UFD1: variants seen among roughly 807,000 people sequenced by gnomAD.
UFD1 encodes ubiquitin recognition factor in ER-associated degradation protein 1.
UFD1 carries 13 observed loss-of-function variants against 45.9 expected under a neutral mutation model. The ratio of observed to expected loss-of-function variants is 0.28; its 90% CI spans 0.18 to 0.45. The LOEUF (loss-of-function observed/expected upper bound fraction) is 0.45, where lower values mean the gene tolerates loss of function less well. Ranked by LOEUF, UFD1 falls within the 20% of genes least tolerant of loss-of-function variation. The pLI, the probability that UFD1 is intolerant of heterozygous loss-of-function variation, is 1.00. For synonymous variants in UFD1, 128 were observed against 139.2 expected, an observed-to-expected ratio of 0.92 and a Z score of 0.56; for missense variants, 218 against 389.2, an observed-to-expected ratio of 0.56 and a Z score of 3.70.
chr22:19,465,788 CAGAT>C (rs1160696625), intron 5 of UFD1: 1 of 152,484 alleles, frequency 6.6e-6, no homozygotes, highest in Non-Finnish European at 1.5e-5. Context: ...TTTAATGAGT[CAGAT>C]AGGTCCTCTC....
At chr22:19,477,073 A>G (rs2089888022) in intron 1 of UFD1, among the ~76,000 whole-genome samples, 1 of 152,032 alleles carries the variant, frequency 6.6e-6, no homozygotes, top group African/African-American at 2.4e-5. Flanking sequence ...AATTAATAAT[A>G]AAACAATTAC....
At chr22:19,456,446 G>T in intron 9 of UFD1, 141 bp downstream of exon 9, 1 of 1,095,534 alleles carries the variant, frequency 9.1e-7, no homozygotes, top group Non-Finnish European at 1.4e-6. Flanking sequence ...TGAGCGAGTG[G>T]CAGATTTGCA....
chr22:19,459,588 C>T (rs370807194), intron 6 of UFD1, among the ~76,000 whole-genome samples: 7 of 152,102 alleles, frequency 4.6e-5, no homozygotes, highest in African/African-American at 1.4e-4. Context: ...GCACTCCAGC[C>T]TGGGCAACAG....
intron 3 of UFD1, among the ~76,000 whole-genome samples, chr22:19,472,427 C>T (rs2089853343): frequency 1.3e-5 from 2 of 152,172 alleles, no homozygotes; most frequent in African/African-American, 4.8e-5. Flanking sequence ...GAACCTAGGG[C>T]CTGGGCCCAG....
intron 6 of UFD1, among the ~76,000 whole-genome samples, chr22:19,460,955 T>C (rs961533985): frequency 6.6e-6 from 1 of 152,118 alleles, no homozygotes; most frequent in Admixed American, 6.6e-5. Context: ...AGGATCACAC[T>C]ATGTTACCCA....
In UFD1 at chr22:19,479,105, A is replaced by T. The variant is rs1222405490; in HGVS notation, c.-20T>A. ...TACCATGATGGACACCACCTGGCAG[A>T]CTCCGCTCCTCTCAGGCAATGCAAC... On this transcript the variant is annotated 5_prime_UTR_variant, in exon 1 of 12. Coordinates refer to ENST00000263202, the MANE Select transcript of UFD1 (RefSeq NM_005659.7). The T allele has an allele frequency of 6.2e-7, 1 of 1,610,254 alleles. No homozygotes were observed. Among genetic ancestry groups the T allele is most frequent in the Non-Finnish European group, 8.5e-7 (1 of 1,179,016 alleles).
At chr22:19,474,260 C>A (rs1194703856) in intron 3 of UFD1, among the ~76,000 whole-genome samples, 3 of 152,058 alleles carry the variant, frequency 2.0e-5, no homozygotes, top group African/African-American at 7.2e-5. Context: ...AAACGGGGGT[C>A]TGGGCCGGGC....
intron 6 of UFD1, among the ~76,000 whole-genome samples, chr22:19,462,659 G>A (rs2089776116): frequency 6.6e-6 from 1 of 152,012 alleles, no homozygotes; most frequent in Admixed American, 6.5e-5. Context: ...GAGACAAAGA[G>A]AGACTCTCTC....
intron 4 of UFD1, 135 bp from the exon 5 acceptor site, chr22:19,468,138 G>T: frequency 2.4e-6 from 3 of 1,233,804 alleles, no homozygotes; most frequent in Non-Finnish European, 3.3e-6. Context: ...AGTAATTCGT[G>T]ATACTATGTC....
rs2089815644 is a variant in UFD1 at position 19,467,973 on chromosome 22, C to T, written c.322G>A (p.Gly108Ser). ...MMQNLLLEEGGLVQVESVNLQ... is the reference protein window; with the variant it reads ...MMQNLLLEEGSLVQVESVNLQ... ...TTGACGCTCTCCACCTGGACCAGGC[C>T]GCCTTCTTCCAAGAGTAAGTTCTGC... is the stretch of plus-strand genomic sequence containing the variant. The change falls in exon 5 of 12, where the codon GGC becomes AGC. Residue 108 changes from glycine to serine, a missense_variant. Physicochemically the swap from Gly to Ser is moderately conservative, Grantham distance 56 (BLOSUM62 0). Coordinates refer to ENST00000263202, the MANE Select transcript of UFD1 (RefSeq NM_005659.7). 1 of 1,613,988 alleles carries T rather than the reference C, an allele frequency of 6.2e-7. No individual in the cohort carries two copies. The highest frequency in any genetic ancestry group is 1.7e-5 in the Admixed American group (1 of 60,000).
chr22:19,457,587 T>A (rs932187870), intron 7 of UFD1, among the ~76,000 whole-genome samples: 4 of 151,746 alleles, frequency 2.6e-5, no homozygotes, highest in Non-Finnish European at 4.4e-5. Context: ...CCGAGGCGGG[T>A]GGATTACCTG....
intron 1 of UFD1, chr22:19,478,728 A>G: frequency 2.7e-6 from 1 of 371,028 alleles, no homozygotes; most frequent in Non-Finnish European, 4.9e-6. Flanking sequence ...GAGCGCCCTG[A>G]TTCTGTTCCC....
intron 2 of UFD1, 101 bp downstream of exon 2, chr22:19,475,369 T>A: frequency 6.6e-7 from 1 of 1,517,122 alleles, no homozygotes; most frequent in South Asian, 1.2e-5. Flanking sequence ...ACAGTAACAC[T>A]AGCTTCTGAC....
intron 1 of UFD1, 111 bp downstream of exon 1, chr22:19,478,972 C>T (rs1367483066): frequency 1.9e-5 from 28 of 1,438,206 alleles, no homozygotes; most frequent in Non-Finnish European, 2.5e-5. Context: ...CGGACTCAGG[C>T]CCGGGTGACT....
At chr22:19,454,349 TGTG>T in intron 11 of UFD1, 1 of 1,014,964 alleles carries the variant, frequency 9.9e-7, no homozygotes, top group South Asian at 3.8e-5. Flanking sequence ...TACCACGTGT[TGTG>T]GGAGGGACCA....
rs139494159 is a variant in UFD1 at position 19,457,646 on chromosome 22, C to T, written c.564+425G>A. Among the ~76,000 whole-genome samples, 514 of 152,250 alleles carry T rather than the reference C, an allele frequency of 3.4e-3. 20 individuals carry two copies. The East Asian group carries it at 0.069, about 20-fold the overall frequency. ...TGGCCAACATGGTAAAACCCTGTCT[C>T]TACCAAAATACAAAACTAGCCGGGC... On this transcript the variant is annotated intron_variant, in intron 7 of 11. Coordinates refer to ENST00000263202, the MANE Select transcript of UFD1 (RefSeq NM_005659.7).
rs776304120 is a variant in UFD1, at chr22:19,467,956, C to T, written c.339G>A (p.Glu113=). The T allele has an allele frequency of 6.2e-7, 1 of 1,614,198 alleles. No homozygotes were observed. The highest frequency in any genetic ancestry group is 8.5e-7 in the Non-Finnish European group (1 of 1,180,042). The change falls in exon 5 of 12, where the codon GAG becomes GAA. Residue 113 remains glutamate (E), a synonymous_variant. Transcript: ENST00000263202. The part of the protein sequence containing the change: ...LLEEGGLVQV[E]SVNLQVATYS... The stretch of plus-strand genomic sequence containing the variant: ...AGGTGGCCACTTGAAGGTTGACGCT[C>T]TCCACCTGGACCAGGCCGCCTTCTT...
intron 6 of UFD1, among the ~76,000 whole-genome samples, chr22:19,458,440 ATTTAT>A (rs961243291): frequency 1.2e-4 from 18 of 152,160 alleles, no homozygotes; most frequent in African/African-American, 4.1e-4. Context: ...GAACTTTACT[ATTTAT>A]TTTATTTATT....
At chr22:19,476,886 A>G (rs1302717686) in intron 1 of UFD1, among the ~76,000 whole-genome samples, 1 of 151,732 alleles carries the variant, frequency 6.6e-6, no homozygotes, top group African/African-American at 2.4e-5. Flanking sequence ...ACACGCCTGT[A>G]ATCCCAGCTA....
Sources: allele counts gnomAD v4.1 joint callset (sites outside exome capture counted in the v4.1 genomes callset), GRCh38; gene constraint gnomAD v4.1.1; transcripts MANE v1.5; gene names NCBI Gene and HGNC (gene_info 2026-07-23, HGNC 2026-07-21).